The following ZNF146 variants were observed in gnomAD, a reference collection of about 807,000 sequenced individuals.
The protein encoded by ZNF146 is zinc finger protein OZF.
A neutral mutation model predicts 22.2 loss-of-function variants in ZNF146; 9 were observed. The ratio of observed to expected loss-of-function variants is 0.41; its 90% CI spans 0.24 to 0.71. The LOEUF is 0.71. Ranked by LOEUF, ZNF146 falls within the 30% of genes least tolerant of loss-of-function variation. The pLI is 0.34. For missense variants in ZNF146, 194 were observed against 344.8 expected (o/e 0.56, Z 3.46); for synonymous variants, 108 against 119.2 (o/e 0.91, Z 0.61).
intron 2 of ZNF146, among the ~76,000 whole-genome samples, chr19:36,221,615 T>G (rs1247770827): frequency 6.6e-6 from 1 of 152,160 alleles, no homozygotes; most frequent in South Asian, 2.1e-4. Flanking sequence ...AAAATGAATT[T>G]GATTACTATT....
At chr19:36,233,335 G>A (rs960575715) in intron 3 of ZNF146, among the ~76,000 whole-genome samples, 4 of 152,160 alleles carry the variant, frequency 2.6e-5, no homozygotes, top group African/African-American at 7.2e-5. Flanking sequence ...AGTCGAGATC[G>A]CACCACTGCA....
chr19:36,230,948 C>T lies in ZNF146; in HGVS notation c.-783+2129C>T, dbSNP rs145431235. On this transcript the variant is annotated intron_variant, in intron 3 of 3. Transcript: ENST00000443387. The stretch of plus-strand genomic sequence containing the variant: ...TCCCAAGTAGCTGGGATTACAGGCA[C>T]CTGCCACCACGCCGGCTAATTTTTG... 1.4e-3 allele frequency among the ~76,000 whole-genome samples: 208 copies of T among 152,246 alleles called. 1 individual carries two copies. The highest frequency in any genetic ancestry group is 4.6e-3 in the African/African-American group (190 of 41,558).
intron 2 of ZNF146, 139 bp downstream of exon 2, chr19:36,218,334 G>A (rs1339792040): frequency 1.3e-5 from 2 of 151,964 alleles, no homozygotes; most frequent in East Asian, 3.8e-4. Flanking sequence ...TGTGTAGTAA[G>A]TACTTGATTA....
At chr19:36,215,659 C>A (rs1976571074) in intron 1 of ZNF146, among the ~76,000 whole-genome samples, 2 of 148,076 alleles carry the variant, frequency 1.4e-5, no homozygotes, top group African/African-American at 5.0e-5. Flanking sequence ...ATCACCGTGA[C>A]TTTTTTTTTT....
intron 3 of ZNF146, among the ~76,000 whole-genome samples, 196 bp from the exon 4 acceptor site, chr19:36,235,463 T>C (rs924680763): frequency 6.6e-6 from 1 of 152,212 alleles, no homozygotes; most frequent in African/African-American, 2.4e-5. Context: ...ATTAATAATA[T>C]AGATTATTTT....
chr19:36,237,351 C>T lies in ZNF146; in HGVS notation c.*32C>T. 1 of 1,553,818 alleles carries T rather than the reference C, an allele frequency of 6.4e-7. No individual in the cohort carries two copies. The highest frequency in any genetic ancestry group is 2.3e-5 in the East Asian group (1 of 44,290). On this transcript the variant is annotated 3_prime_UTR_variant, in exon 4 of 4. Coordinates refer to ENST00000443387, the MANE Select transcript of ZNF146 (RefSeq NM_007145.3). ...CATGAAAGCCTTGAAAGTGGGAAAG[C>T]TTTCATTAGAAATTTGCACCTCATC...
intron 2 of ZNF146, among the ~76,000 whole-genome samples, chr19:36,223,320 G>T (rs1364360147): frequency 6.7e-6 from 1 of 149,822 alleles, no homozygotes; most frequent in Non-Finnish European, 1.5e-5. Context: ...TTTAGCCTGG[G>T]CAACAGAGTG....
At chr19:36,224,232 C>A (rs919173636) in intron 2 of ZNF146, among the ~76,000 whole-genome samples, 4 of 152,040 alleles carry the variant, frequency 2.6e-5, no homozygotes, top group Non-Finnish European at 4.4e-5. Flanking sequence ...AAATACAAAA[C>A]ATTAGCTGGG....
intron 2 of ZNF146, among the ~76,000 whole-genome samples, chr19:36,221,623 A>G (rs1359038746): frequency 6.6e-6 from 1 of 152,104 alleles, no homozygotes; most frequent in East Asian, 1.9e-4. Context: ...TTTGATTACT[A>G]TTGAAGTAAG....
chr19:36,220,318 A>G (rs1243477999), intron 2 of ZNF146, among the ~76,000 whole-genome samples: 1 of 107,054 alleles, frequency 9.3e-6, no homozygotes, highest in African/African-American at 2.7e-5. Flanking sequence ...TTTAAATGGT[A>G]TAGTATTTTT....
Position 36,236,513 on chromosome 19 carries a change from T to C in ZNF146, c.73T>C (p.Phe25Leu). The stretch of plus-strand genomic sequence containing the variant: ...TGCCTGTAAGGTATGTGGAAAAGTC[T>C]TCAGCCACAAATCAAACCTCACTGA... ...PFACKVCGKV[F>L]SHKSNLTEHE... The change falls in exon 4 of 4, where the codon TTC (phenylalanine) becomes CTC (leucine). Residue 25 changes from phenylalanine to leucine, a missense_variant. Coordinates refer to ENST00000443387, the MANE Select transcript of ZNF146 (RefSeq NM_007145.3). The C allele has an allele frequency of 3.1e-6, 5 of 1,614,184 alleles. No homozygotes were observed. The highest frequency in any genetic ancestry group is 4.2e-6 in the Non-Finnish European group (5 of 1,180,036).
At chr19:36,234,404 C>T (rs991830582) in intron 3 of ZNF146, among the ~76,000 whole-genome samples, 1 of 152,182 alleles carries the variant, frequency 6.6e-6, no homozygotes, top group African/African-American at 2.4e-5. Flanking sequence ...TACCGTTTCA[C>T]ACCTTAGAAG....
intron 2 of ZNF146, among the ~76,000 whole-genome samples, chr19:36,221,480 A>G (rs979558300): frequency 6.6e-6 from 1 of 151,678 alleles, no homozygotes; most frequent in Non-Finnish European, 1.5e-5. Flanking sequence ...AGTAGAGACG[A>G]GGTTTCACCA....
chr19:36,226,233 A>G (rs1447786423), intron 2 of ZNF146, among the ~76,000 whole-genome samples: 1 of 152,226 alleles, frequency 6.6e-6, no homozygotes, highest in Non-Finnish European at 1.5e-5. Context: ...CTGAATGTAT[A>G]GAGTCTCAAA....
At chr19:36,220,005 C>CT (rs1486909469) in intron 2 of ZNF146, among the ~76,000 whole-genome samples, 6 of 152,100 alleles carry the variant, frequency 3.9e-5, no homozygotes, top group African/African-American at 1.4e-4. Context: ...ATCAGCTGCA[C>CT]TTTTTGATGC....
intron 2 of ZNF146, among the ~76,000 whole-genome samples, chr19:36,224,670 T>C (rs1976996059): frequency 6.6e-6 from 1 of 152,228 alleles, no homozygotes; most frequent in African/African-American, 2.4e-5. Flanking sequence ...AGGATTAGCT[T>C]GTCTCGTTCC....
chr19:36,228,272 CTT>C (rs1977169761), intron 2 of ZNF146, among the ~76,000 whole-genome samples: 3 of 20,810 alleles, frequency 1.4e-4, no homozygotes, highest in East Asian at 2.7e-3. Context: ...AGAACAACTT[CTT>C]CACATTGTGC....
intron 3 of ZNF146, among the ~76,000 whole-genome samples, chr19:36,231,909 T>TA (rs60263832): frequency 0.26 from 38,200 of 145,782 alleles, 5,157 homozygotes; most frequent in African/African-American, 0.37. Context: ...CTTTTTTATT[T>TA]AAAAAAAAAA....
intron 2 of ZNF146, among the ~76,000 whole-genome samples, chr19:36,225,941 G>C (rs1336361478): frequency 6.6e-6 from 1 of 151,516 alleles, no homozygotes; most frequent in Non-Finnish European, 1.5e-5. Context: ...TTTTGGATTT[G>C]AATTTTTTGC....
Sources: gnomAD v4.1 joint callset for allele counts (sites outside exome capture counted in the v4.1 genomes callset) on GRCh38, gnomAD v4.1.1 for gene constraint, MANE v1.5 for transcripts, NCBI Gene and HGNC (gene_info 2026-07-23, HGNC 2026-07-21) for gene names.